CEP164: variants seen among roughly 807,000 people sequenced by gnomAD.
CEP164 encodes centrosomal protein 164, also known as centrosomal protein of 164 kDa.
CEP164 carries 162 observed loss-of-function variants against 182.7 expected under a neutral mutation model. That is an observed-to-expected ratio of 0.89 (90% CI 0.78 to 1.01). CEP164 has a LOEUF of 1.01. CEP164 is among the 50% of genes least tolerant of loss of function. CEP164 has a pLI of 0.00. For synonymous variants in CEP164, 661 were observed against 690.0 expected, an observed-to-expected ratio of 0.96 and a Z score of 0.66; for missense variants, 1,735 against 1,790.4, an observed-to-expected ratio of 0.97 and a Z score of 0.56.
intron 11 of CEP164, among the ~76,000 whole-genome samples, chr11:117,376,065 G>A (rs1398422610): frequency 6.6e-6 from 1 of 152,126 alleles, no homozygotes; most frequent in Admixed American, 6.5e-5. Flanking sequence ...TGTGCAAAGC[G>A]CTGTGTAGAT....
chr11:117,406,844 C>T (rs2046741765), intron 27 of CEP164, among the ~76,000 whole-genome samples: 1 of 152,142 alleles, frequency 6.6e-6, no homozygotes, highest in South Asian at 2.1e-4. Context: ...GCCTGTAATG[C>T]CAGCACTTTG....
chr11:117,361,808 T>G, intron 5 of CEP164, 27 bp from the exon 6 acceptor site: 1 of 1,614,032 alleles, frequency 6.2e-7, no homozygotes, highest in Non-Finnish European at 8.5e-7. Context: ...TTTCTTGAGT[T>G]GTAACAAGAT....
rs560310374 is a variant in CEP164, at chr11:117,354,260, C to T, written c.393+2272C>T. Among the ~76,000 whole-genome samples the T allele has an allele frequency of 1.5e-4, 23 of 152,118 alleles. No individual in the cohort carries two copies. The South Asian group carries it at 2.7e-3, about 18-fold the overall frequency. On this transcript the variant is annotated intron_variant, in intron 5 of 32. Transcript: ENST00000278935. Reference sequence around the variant, plus strand: ...CTCGAACTCCTGACCTCAAGTGATCCGCCCGCCGCAGCCTCCTAAAGTGCT... The same window carrying T: ...CTCGAACTCCTGACCTCAAGTGATCTGCCCGCCGCAGCCTCCTAAAGTGCT...
intron 8 of CEP164, 29 bp from the exon 9 acceptor site, chr11:117,371,051 C>T: frequency 5.2e-6 from 8 of 1,534,204 alleles, no homozygotes; most frequent in Non-Finnish European, 7.0e-6. Flanking sequence ...CTTTTGTCTT[C>T]CTTTCTAACA....
intron 13 of CEP164, 156 bp from the exon 14 acceptor site, chr11:117,382,640 A>T: frequency 1.3e-6 from 1 of 760,842 alleles, no homozygotes; most frequent in Non-Finnish European, 2.1e-6. Context: ...CAGGGAGAGG[A>T]AGGGCGGGGA....
At chr11:117,382,392 T>C (rs1198168418) in intron 13 of CEP164, among the ~76,000 whole-genome samples, 3 of 152,202 alleles carry the variant, frequency 2.0e-5, no homozygotes, top group East Asian at 1.9e-4. Flanking sequence ...GAGGACCTTT[T>C]TTCTTAGCCT....
chr11:117,409,163 G>C lies in CEP164; in HGVS notation c.3748+135G>C, dbSNP rs532934684. 3.4e-6 allele frequency: 4 copies of C among 1,182,110 alleles called. No homozygotes were observed. Among genetic ancestry groups the C allele is most frequent in the Admixed American group, 2.2e-5 (1 of 45,180 alleles). The allele number at this position is 1,182,110 out of a possible 1,614,324, so 73.2% of individuals were successfully genotyped here. ...GAGCCGGTGTCTGGACTAGGTGCTC[G>C]GTCAGTGCTGGGAAGGAATCACACC... On this transcript the variant is annotated intron_variant, in intron 29 of 32. Transcript: ENST00000278935. The surrounding 1 kb of genome is among the most constrained non-coding windows in gnomAD (Gnocchi z 4.4).
intron 23 of CEP164, among the ~76,000 whole-genome samples, 168 bp downstream of exon 23, chr11:117,395,359 CT>C (rs1361122217): frequency 6.6e-6 from 1 of 152,172 alleles, no homozygotes; most frequent in African/African-American, 2.4e-5. Flanking sequence ...ACTTGGGAAC[CT>C]CAAGGGAGTG....
intron 27 of CEP164, among the ~76,000 whole-genome samples, 194 bp from the exon 28 acceptor site, chr11:117,407,731 T>TAAG (rs1165563523): frequency 6.6e-6 from 1 of 152,180 alleles, no homozygotes; most frequent in African/African-American, 2.4e-5. Flanking sequence ...GGCATGGTGT[T>TAAG]AAGCATGTAA....
At chr11:117,387,126 C>T (rs1458739733) in intron 14 of CEP164, 77 bp from the exon 15 acceptor site, 13 of 1,275,672 alleles carry the variant, frequency 1.0e-5, no homozygotes, top group African/African-American at 4.4e-5. Context: ...TGTGATGTTC[C>T]GTATCCATTC....
intron 10 of CEP164, among the ~76,000 whole-genome samples, chr11:117,375,420 T>G (rs914867473): frequency 6.6e-6 from 1 of 152,166 alleles, no homozygotes; most frequent in Non-Finnish European, 1.5e-5. Context: ...AATTTTCTTA[T>G]GAAAAGTTTC....
intron 5 of CEP164, chr11:117,359,441 T>C (rs1370928382): frequency 1.0e-6 from 1 of 985,316 alleles, no homozygotes; most frequent in African/African-American, 1.7e-5. Flanking sequence ...GGCCAGATGA[T>C]TGTGGACCTG....
At chr11:117,396,934 G>GTAT (rs1293853732) in intron 26 of CEP164, among the ~76,000 whole-genome samples, 157 bp from the exon 27 acceptor site, 1 of 152,216 alleles carries the variant, frequency 6.6e-6, no homozygotes, top group Admixed American at 6.5e-5. Flanking sequence ...CGCACTGTGG[G>GTAT]TATTGAACAG....
rs373922006 is a variant in CEP164 at position 117,351,831 on chromosome 11, A to G, written c.236A>G (p.Asn79Ser). ...TGDIYYFNFANGQSMWDHPCD... is the reference protein window; with the variant it reads ...TGDIYYFNFASGQSMWDHPCD... ...GACATTTACTATTTCAACTTCGCCA[A>G]CGGGCAGTCTATGTGGGACCATCCA... is the stretch of plus-strand genomic sequence containing the variant. Residue 79 changes from asparagine to serine, a missense_variant, in exon 5 of 33, where the codon AAC becomes AGC. Coordinates refer to ENST00000278935, the MANE Select transcript of CEP164 (RefSeq NM_014956.5). 15 of 1,613,500 alleles carry G rather than the reference A, an allele frequency of 9.3e-6. No homozygotes were observed. The highest frequency in any genetic ancestry group is 4.4e-5 in the South Asian group (4 of 91,072).
At chr11:117,336,365 G>T in intron 2 of CEP164, 1 of 1,427,460 alleles carries the variant, frequency 7.0e-7, no homozygotes, top group Non-Finnish European at 9.9e-7. Context: ...AGATTCACAG[G>T]AGGGATTCCA....
chr11:117,347,196 T>G (rs1346489403), intron 4 of CEP164, among the ~76,000 whole-genome samples: 3 of 152,234 alleles, frequency 2.0e-5, no homozygotes, highest in Non-Finnish European at 4.4e-5. Context: ...GACATTTAGA[T>G]ATTTTCCTAA....
At chr11:117,410,745 T>G in intron 30 of CEP164, 83 bp from the exon 31 acceptor site, 2 of 1,140,960 alleles carry the variant, frequency 1.8e-6, no homozygotes, top group Non-Finnish European at 2.6e-6. Context: ...CCTTTTATTG[T>G]TTATTCTGGG....
chr11:117,394,839 G>A lies in CEP164; in HGVS notation c.2761-81G>A. ...CAGAGTGGAGGTTGTGGTGTGGCAT[G>A]GTGGGTTCTGGAACCCCCTCCTGCC... On this transcript the variant is annotated intron_variant, in intron 21 of 32. Transcript: ENST00000278935. The surrounding 1 kb of genome is among the most constrained non-coding windows in gnomAD (Gnocchi z 4.0). 1 of 1,355,410 alleles carries A rather than the reference G, an allele frequency of 7.4e-7. No homozygotes were observed. The highest frequency in any genetic ancestry group is 1.4e-5 in the African/African-American group (1 of 69,868). The allele number at this position is 1,355,410 out of a possible 1,614,324, so 84.0% of individuals were successfully genotyped here.
intron 1 of CEP164, among the ~76,000 whole-genome samples, chr11:117,334,302 G>A (rs1395465108): frequency 1.3e-5 from 2 of 152,138 alleles, no homozygotes; most frequent in Non-Finnish European, 2.9e-5. Flanking sequence ...CTGTTCCCAC[G>A]TTCCTTTTTT....
Sources: gnomAD v4.1 joint callset for allele counts (sites outside exome capture counted in the v4.1 genomes callset) on GRCh38, gnomAD v4.1.1 for gene constraint, Gnocchi (gnomAD v3.1) non-coding constraint, MANE v1.5 for transcripts, NCBI Gene and HGNC (gene_info 2026-07-23, HGNC 2026-07-21) for gene names.